The following OSBPL1A variants were observed in gnomAD, a reference collection of about 807,000 sequenced individuals.
OSBPL1A encodes oxysterol binding protein like 1A, also known as oxysterol-binding protein-related protein 1.
Under a neutral mutation model 137.1 loss-of-function variants are expected in OSBPL1A, and 80 were observed. The observed-to-expected ratio is 0.58, with a 90% CI of 0.49 to 0.70. The LOEUF (loss-of-function observed/expected upper bound fraction) is 0.70, where lower values mean the gene tolerates loss of function less well. Ranked by LOEUF, OSBPL1A falls within the 30% of genes least tolerant of loss-of-function variation. OSBPL1A has a pLI of 0.00. For synonymous variants in OSBPL1A, 365 were observed against 389.7 expected (o/e 0.94, Z 0.75); for missense variants, 970 against 1,129.4 (o/e 0.86, Z 2.02).
At chr18:24,249,148 A>G (rs575671309) in intron 15 of OSBPL1A, among the ~76,000 whole-genome samples, 64 of 152,336 alleles carry the variant, frequency 4.2e-4, no homozygotes, top group African/African-American at 1.5e-3. Flanking sequence ...TATAACTCTC[A>G]TATGAGGAAC....
chr18:24,341,289 G>A (rs933682768), intron 5 of OSBPL1A, among the ~76,000 whole-genome samples: 1 of 152,132 alleles, frequency 6.6e-6, no homozygotes, highest in African/African-American at 2.4e-5. Flanking sequence ...TTACAGGCGT[G>A]AGCCACCGCA....
At chr18:24,297,356 G>A (rs952395316) in intron 14 of OSBPL1A, among the ~76,000 whole-genome samples, 18 of 151,896 alleles carry the variant, frequency 1.2e-4, no homozygotes, top group African/African-American at 3.4e-4. Context: ...GTTTAATTTC[G>A]AATTAAGCTT....
chr18:24,332,385 CAAAAAAAAAAAAAAAAA>C (rs71163675), intron 7 of OSBPL1A, among the ~76,000 whole-genome samples: 10 of 53,074 alleles, frequency 1.9e-4, no homozygotes, highest in East Asian at 3.8e-3. Flanking sequence ...GACTCTGTCT[CAAAAAAAAAAAAAAAAA>C]AAAAAAAAAA....
chr18:24,310,594 T>C (rs1599648749), intron 13 of OSBPL1A, among the ~76,000 whole-genome samples: 1 of 116,766 alleles, frequency 8.6e-6, no homozygotes, highest in Non-Finnish European at 1.6e-5. Context: ...AGAGCAAGAC[T>C]CCGTCTCAAA....
chr18:24,312,807 T>C (rs1175437554), intron 12 of OSBPL1A, among the ~76,000 whole-genome samples: 1 of 152,138 alleles, frequency 6.6e-6, no homozygotes, highest in African/African-American at 2.4e-5. Flanking sequence ...TACCAAAAAA[T>C]CAAGATATGT....
In OSBPL1A at chr18:24,163,122, A is replaced by T; in HGVS notation, c.*57T>A. The T allele has an allele frequency of 7.4e-7, 1 of 1,343,060 alleles. No homozygotes were observed. Among genetic ancestry groups the T allele is most frequent in the Non-Finnish European group, 1.0e-6 (1 of 965,712 alleles). The allele number at this position is 1,343,060 out of a possible 1,614,324, so 83.2% of individuals were successfully genotyped here. On this transcript the variant is annotated 3_prime_UTR_variant, in exon 28 of 28. Coordinates refer to ENST00000319481, the MANE Select transcript of OSBPL1A (RefSeq NM_080597.4). ...TAGAAACCAAGGGAAAAAAATTTAA[A>T]AACATAGGTTTAAGACTTATTTGTA...
chr18:24,238,884 C>G (rs564199699), intron 16 of OSBPL1A, among the ~76,000 whole-genome samples: 14 of 152,326 alleles, frequency 9.2e-5, no homozygotes, highest in African/African-American at 3.1e-4. Flanking sequence ...GTCTGTCTCT[C>G]CTTACAATAT....
At chr18:24,375,321 A>G (rs1906021742) in intron 2 of OSBPL1A, among the ~76,000 whole-genome samples, 1 of 147,134 alleles carries the variant, frequency 6.8e-6, no homozygotes, top group African/African-American at 2.6e-5. Context: ...TCTCAAAAAA[A>G]AAAAAAAAAA....
intron 4 of OSBPL1A, among the ~76,000 whole-genome samples, chr18:24,355,985 CAAA>C (rs200338021): frequency 9.2e-5 from 9 of 97,398 alleles, no homozygotes; most frequent in Admixed American, 2.1e-4. Context: ...ACTCTTGTCT[CAAA>C]AAAAAAAAAA....
At chr18:24,194,722 G>A (rs190017238) in intron 18 of OSBPL1A, among the ~76,000 whole-genome samples, 10 of 152,136 alleles carry the variant, frequency 6.6e-5, no homozygotes, top group Admixed American at 3.3e-4. Flanking sequence ...ATTATTTATC[G>A]CTCAATACAC....
chr18:24,208,574 T>C (rs2087438441), intron 17 of OSBPL1A, among the ~76,000 whole-genome samples: 2 of 152,248 alleles, frequency 1.3e-5, no homozygotes, highest in Admixed American at 1.3e-4. Context: ...GTTACTCACC[T>C]ACCACCAATT....
chr18:24,182,092 A>T (rs1567926278), intron 18 of OSBPL1A, among the ~76,000 whole-genome samples: 1 of 152,200 alleles, frequency 6.6e-6, no homozygotes, highest in Admixed American at 6.5e-5. Flanking sequence ...AAATGAAATG[A>T]AATGATATGA....
intron 27 of OSBPL1A, among the ~76,000 whole-genome samples, chr18:24,164,487 G>A (rs2086097427): frequency 1.6e-5 from 2 of 126,724 alleles, no homozygotes; most frequent in Admixed American, 8.5e-5. Context: ...GGAGTGCAGT[G>A]GCGCAATCTC....
intron 1 of OSBPL1A, among the ~76,000 whole-genome samples, chr18:24,385,339 T>C (rs1310944772): frequency 6.6e-6 from 1 of 152,170 alleles, no homozygotes; most frequent in African/African-American, 2.4e-5. Context: ...TGCTGTGAGC[T>C]ATAATTGCAC....
At position 24,346,519 on chromosome 18, in the gene OSBPL1A, C is replaced by T. The variant is rs547945629; in HGVS notation, c.283-4861G>A. 1.5e-3 allele frequency among the ~76,000 whole-genome samples: 232 copies of T among 152,260 alleles called. 1 individual carries two copies. Among genetic ancestry groups the T allele is most frequent in the African/African-American group, 5.2e-3 (215 of 41,550 alleles). ...GTAACCACTAATCTACTTTCAGTCT[C>T]TATGGATTTGCCTACTCTGGACATT... On this transcript the variant is annotated intron_variant, in intron 4 of 27. Transcript: ENST00000319481.
chr18:24,317,246 G>A (rs1307337928), intron 10 of OSBPL1A, 34 bp from the exon 11 acceptor site: 4 of 1,611,572 alleles, frequency 2.5e-6, no homozygotes, highest in Non-Finnish European at 3.4e-6. Context: ...CAAGACAAAA[G>A]GAAAAGAGAC....
chr18:24,323,074 AT>A (rs1256293278), intron 7 of OSBPL1A, among the ~76,000 whole-genome samples: 1 of 152,206 alleles, frequency 6.6e-6, no homozygotes, highest in South Asian at 2.1e-4. Flanking sequence ...TCAGAAAATT[AT>A]TTTAAATGCC....
At chr18:24,320,423 G>A (rs759218049) in intron 7 of OSBPL1A, among the ~76,000 whole-genome samples, 4 of 152,176 alleles carry the variant, frequency 2.6e-5, no homozygotes, top group Non-Finnish European at 4.4e-5. Flanking sequence ...GTTGATCAGG[G>A]AAGGCCTCTT....
intron 15 of OSBPL1A, among the ~76,000 whole-genome samples, chr18:24,270,398 G>C (rs764930825): frequency 1.3e-5 from 2 of 152,080 alleles, no homozygotes; most frequent in Non-Finnish European, 2.9e-5. Context: ...CCATTATGCA[G>C]GGCTCACAAC....
Sources: allele counts gnomAD v4.1 joint callset (sites outside exome capture counted in the v4.1 genomes callset), GRCh38; gene constraint gnomAD v4.1.1; transcripts MANE v1.5; gene names NCBI Gene and HGNC (gene_info 2026-07-23, HGNC 2026-07-21).